Variants in EIF3H observed in about 807,000 individuals in gnomAD.
EIF3H encodes eIF-3-gamma.
EIF3H carries 26 observed loss-of-function variants against 44.2 expected under a neutral mutation model. That is an observed-to-expected ratio of 0.59 (90% CI 0.43 to 0.82). EIF3H has a LOEUF of 0.82. EIF3H is among the 40% of genes least tolerant of loss of function. The pLI, the probability that EIF3H is intolerant of heterozygous loss-of-function variation, is 0.00. For synonymous variants in EIF3H, 166 were observed against 151.9 expected, an observed-to-expected ratio of 1.09 and a Z score of -0.68; for missense variants, 359 against 432.8, an observed-to-expected ratio of 0.83 and a Z score of 1.51.
chr8:116,759,573 G>A (rs1381353007), upstream of EIF3H, among the ~76,000 whole-genome samples: 1 of 152,110 alleles, frequency 6.6e-6, no homozygotes, highest in East Asian at 1.9e-4. Flanking sequence ...CACCAAAGAT[G>A]AGCCCCTAAA....
upstream of EIF3H, among the ~76,000 whole-genome samples, chr8:116,760,071 T>TATC (rs1291315643): frequency 2.0e-5 from 3 of 152,190 alleles, no homozygotes; most frequent in African/African-American, 7.2e-5. Context: ...AAATATATGC[T>TATC]ATCATGGATC....
At chr8:116,651,764 T>TC (rs1342887623) in intron 5 of EIF3H, among the ~76,000 whole-genome samples, 1 of 152,224 alleles carries the variant, frequency 6.6e-6, no homozygotes. Flanking sequence ...CACTCCGACT[T>TC]AAGTATTAGA....
intron 1 of EIF3H, among the ~76,000 whole-genome samples, chr8:116,762,918 T>C (rs575679771): frequency 6.6e-6 from 1 of 152,148 alleles, no homozygotes; most frequent in African/African-American, 2.4e-5. Context: ...CACTCCACCA[T>C]AGGCAACAGA....
At chr8:116,726,402 C>T (rs1236350441) in intron 1 of EIF3H, among the ~76,000 whole-genome samples, 3 of 152,230 alleles carry the variant, frequency 2.0e-5, no homozygotes, top group East Asian at 1.9e-4. Context: ...ATGTCAAAAA[C>T]GTCCATCTAC....
upstream of EIF3H, among the ~76,000 whole-genome samples, chr8:116,760,659 TATC>T (rs1404217453): frequency 6.6e-6 from 1 of 152,186 alleles, no homozygotes; most frequent in Admixed American, 6.5e-5. Context: ...TTTTGTATAA[TATC>T]ATGTAATTAA....
intron 2 of EIF3H, among the ~76,000 whole-genome samples, chr8:116,713,595 A>G (rs1814609994): frequency 6.6e-6 from 1 of 152,180 alleles, no homozygotes. Flanking sequence ...TGAAAATACG[A>G]GAACTGATGC....
chr8:116,709,370 G>A (rs955876617), intron 2 of EIF3H, among the ~76,000 whole-genome samples: 3 of 152,080 alleles, frequency 2.0e-5, no homozygotes, highest in South Asian at 2.1e-4. Flanking sequence ...AGAAACCATC[G>A]TGGCTTTGTA....
intron 1 of EIF3H, among the ~76,000 whole-genome samples, chr8:116,739,723 A>C (rs184821463): frequency 1.8e-3 from 276 of 152,308 alleles, no homozygotes; most frequent in Non-Finnish European, 1.4e-3. Flanking sequence ...GAAGGCTGTG[A>C]GACCCCTGAT....
At chr8:116,696,593 G>A (rs1432832168) in intron 2 of EIF3H, among the ~76,000 whole-genome samples, 2 of 152,178 alleles carry the variant, frequency 1.3e-5, no homozygotes, top group African/African-American at 2.4e-5. Flanking sequence ...ACTGCATCAA[G>A]GATCAGATTC....
intron 2 of EIF3H, among the ~76,000 whole-genome samples, chr8:116,720,613 C>T (rs530542550): frequency 1.2e-4 from 18 of 152,250 alleles, no homozygotes; most frequent in Non-Finnish European, 2.5e-4. Context: ...CAGGCAGAGG[C>T]TGAAACAGTT....
intron 2 of EIF3H, among the ~76,000 whole-genome samples, chr8:116,674,441 T>C (rs563145218): frequency 6.6e-6 from 1 of 152,232 alleles, no homozygotes; most frequent in East Asian, 1.9e-4. Context: ...CTGCATTCTA[T>C]CATACGCATT....
chr8:116,706,527 ATTTATTTATTTAT>A lies in EIF3H; in HGVS notation c.289+19476_289+19488del, dbSNP rs1436066765. On this transcript the variant is annotated intron_variant, in intron 2 of 7. Coordinates refer to ENST00000521861, the MANE Select transcript of EIF3H (RefSeq NM_003756.3). ...ATGTGAGATATTTAACACTTTATTTATTTATTTATTTATTTTATTTATTTAGAGACTGGGTCTC... is the reference window on the plus strand; with the variant it reads ...ATGTGAGATATTTAACACTTTATTTATTTATTTATTTAGAGACTGGGTCTC... Among the ~76,000 whole-genome samples the A allele has an allele frequency of 1.7e-4, 26 of 151,968 alleles. No individual in the cohort carries two copies. The South Asian group carries it at 1.9e-3, about 11-fold the overall frequency.
At chr8:116,739,388 C>A (rs543430783) in intron 1 of EIF3H, among the ~76,000 whole-genome samples, 9 of 152,356 alleles carry the variant, frequency 5.9e-5, no homozygotes, top group African/African-American at 2.2e-4. Flanking sequence ...CCATGGCTCA[C>A]GCCTGTAATC....
At chr8:116,687,899 AC>A (rs1381526816) in intron 2 of EIF3H, among the ~76,000 whole-genome samples, 1 of 152,196 alleles carries the variant, frequency 6.6e-6, no homozygotes, top group Non-Finnish European at 1.5e-5. Context: ...CCTTAATGAC[AC>A]AAGCTAAGAA....
intron 2 of EIF3H, among the ~76,000 whole-genome samples, chr8:116,668,784 G>C (rs893604990): frequency 6.6e-5 from 10 of 152,148 alleles, no homozygotes; most frequent in Non-Finnish European, 1.5e-5. Context: ...AGGCAGTTAA[G>C]ATTGAACAAA....
At chr8:116,742,772 G>A (rs965404374) in intron 1 of EIF3H, among the ~76,000 whole-genome samples, 8 of 152,202 alleles carry the variant, frequency 5.3e-5, no homozygotes, top group African/African-American at 1.9e-4. Flanking sequence ...GATTGCCTCT[G>A]GGAAGAGGGT....
intron 2 of EIF3H, among the ~76,000 whole-genome samples, chr8:116,660,048 G>A (rs960664248): frequency 5.3e-5 from 8 of 151,850 alleles, no homozygotes; most frequent in Non-Finnish European, 1.0e-4. Flanking sequence ...CACCGCACCC[G>A]GCTAATTTTT....
At chr8:116,669,281 C>T (rs927328126) in intron 2 of EIF3H, among the ~76,000 whole-genome samples, 1 of 152,104 alleles carries the variant, frequency 6.6e-6, no homozygotes, top group African/African-American at 2.4e-5. Context: ...CTTGGGTGTT[C>T]CATTATTACT....
At chr8:116,762,485 G>A (rs185266435) in intron 1 of EIF3H, among the ~76,000 whole-genome samples, 1 of 152,302 alleles carries the variant, frequency 6.6e-6, no homozygotes, top group East Asian at 1.9e-4. Flanking sequence ...CCAAATTCCA[G>A]GGAGTAGGAA....
Sources: gnomAD v4.1 joint callset for allele counts (sites outside exome capture counted in the v4.1 genomes callset) on GRCh38, gnomAD v4.1.1 for gene constraint, MANE v1.5 for transcripts, NCBI Gene and HGNC (gene_info 2026-07-23, HGNC 2026-07-21) for gene names.